AGBL5: variants seen among roughly 807,000 people sequenced by gnomAD.
AGBL5 encodes AGBL carboxypeptidase 5.
AGBL5 carries 51 observed loss-of-function variants against 88.0 expected under a neutral mutation model. The observed-to-expected ratio is 0.58, with a 90% CI of 0.46 to 0.73. The LOEUF (loss-of-function observed/expected upper bound fraction) is 0.73. Among genes scored for constraint, AGBL5 ranks in the 30% least tolerant of loss-of-function variants. The probability of loss-of-function intolerance (pLI) is 0.00; values close to 1 mark genes in which losing one functional copy is unlikely to be tolerated. For missense variants in AGBL5, 1,031 were observed against 1,162.2 expected, an observed-to-expected ratio of 0.89 and a Z score of 1.64; for synonymous variants, 446 against 438.8, an observed-to-expected ratio of 1.02 and a Z score of -0.21.
chr2:27,054,115 C>T, intron 4 of AGBL5, 56 bp downstream of exon 4: 1 of 1,531,146 alleles, frequency 6.5e-7, no homozygotes, highest in Admixed American at 2.0e-5. Context: ...AGCACCTCCA[C>T]TACTTCTGGA....
intron 11 of AGBL5, among the ~76,000 whole-genome samples, chr2:27,064,039 A>G (rs937295633): frequency 1.1e-4 from 17 of 152,298 alleles, no homozygotes; most frequent in African/African-American, 3.4e-4. Context: ...CTGTGTGTGT[A>G]GATATTTCTC....
rs1668267948 is a variant in AGBL5 at position 27,053,311 on chromosome 2, C to T, written c.216-91C>T. The T allele has an allele frequency of 3.9e-6, 6 of 1,542,614 alleles. No individual in the cohort carries two copies. The highest frequency in any genetic ancestry group is 4.4e-6 in the Non-Finnish European group (5 of 1,137,558). On this transcript the variant is annotated intron_variant, in intron 2 of 14. Transcript: ENST00000360131. This position sits in a 1 kb window ranked among gnomAD's most constrained non-coding sequence, Gnocchi z 4.9. ...CCCTCCTTTCTCCTTGCCAAATAGC[C>T]CTTTCCCAGTTTGGCTGGCTCCGGC... is the stretch of plus-strand genomic sequence containing the variant.
intron 9 of AGBL5, 109 bp from the exon 10 acceptor site, chr2:27,058,291 A>G: frequency 7.7e-7 from 1 of 1,303,284 alleles, no homozygotes; most frequent in Admixed American, 1.7e-5. Flanking sequence ...CCAATGAGCA[A>G]ATTATAGGTC....
In AGBL5 at chr2:27,070,191, G is replaced by A. The variant is rs376506451; in HGVS notation, c.2589G>A (p.Arg863=). ...SDSPSWNCYS[R]GPLGQPEVCF... is the part of the protein sequence containing the mutation. ...CCCCATCCTGGAATTGTTACAGCAG[G>A]GGTCCCTTGGGCCAACCTGAGGTTT... The change falls in exon 15 of 15, where the codon AGG becomes AGA. Residue 863 remains arginine, a synonymous_variant. Transcript: ENST00000360131. 9 of 1,614,050 alleles carry A rather than the reference G, an allele frequency of 5.6e-6. No individual in the cohort carries two copies. Among genetic ancestry groups the A allele is most frequent in the African/African-American group, 2.7e-5 (2 of 74,906 alleles).
intron 5 of AGBL5, 46 bp downstream of exon 5, chr2:27,054,853 A>C: frequency 6.3e-7 from 1 of 1,588,442 alleles, no homozygotes; most frequent in Admixed American, 1.7e-5. Flanking sequence ...TTTCTCTAGC[A>C]CCAGGTACTG....
At position 27,070,165 on chromosome 2, in the gene AGBL5, TC is replaced by T. The variant is rs1669214379; in HGVS notation, c.2567del (p.Pro856HisfsTer25). 6.2e-7 allele frequency: 1 copy of T among 1,614,206 alleles called. No homozygotes were observed. The highest frequency in any genetic ancestry group is 8.5e-7 in the Non-Finnish European group (1 of 1,180,020). On this transcript the variant is annotated frameshift_variant, in exon 15 of 15. Coordinates refer to ENST00000360131, the MANE Select transcript of AGBL5 (RefSeq NM_021831.6). LOFTEE classifies it high-confidence loss of function. ...FSPISCSLSD[S>X]PSWNCYSRGP... ...TCCTATATCCTGTAGTCTATCTGAC[TC>T]CCCATCCTGGAATTGTTACAGCAGG...
In AGBL5 at chr2:27,057,433, G is replaced by A; in HGVS notation, c.1666G>A (p.Glu556Lys). The A allele has an allele frequency of 1.2e-6, 2 of 1,610,362 alleles. No homozygotes were observed. Among genetic ancestry groups the A allele is most frequent in the East Asian group, 2.2e-5 (1 of 44,764 alleles). ...CTCCAGATACACTGTGGAACTATTT[G>A]AGCAGGTATGAATACATGGTGTAAG... is the stretch of plus-strand genomic sequence containing the variant. Reference protein sequence around the residue: ...FPSRYTVELFEQVGRAMAIAA... With the variant: ...FPSRYTVELFKQVGRAMAIAA... Residue 556 changes from glutamate (E) to lysine (K), a missense_variant, in exon 9 of 15, where the codon GAG (glutamate) becomes AAG (lysine). This residue lies in a region of AGBL5 where 491 missense variants were observed against 484.0 expected (regional missense o/e 1.01). Coordinates refer to ENST00000360131, the MANE Select transcript of AGBL5 (RefSeq NM_021831.6).
upstream of AGBL5, among the ~76,000 whole-genome samples, chr2:27,051,229 A>G (rs62130539): frequency 0.016 from 2,442 of 152,280 alleles, 29 homozygotes; most frequent in South Asian, 0.035. Context: ...ATTAGCTCAA[A>G]TGGTAGAGCG....
chr2:27,055,959 G>A lies in AGBL5; in HGVS notation c.1186G>A (p.Glu396Lys). Residue 396 changes from glutamate to lysine, a missense_variant, in exon 7 of 15, where the codon GAA becomes AAA. Glu to Lys is a moderately conservative substitution (Grantham distance 56, BLOSUM62 1). Transcript: ENST00000360131. ...AEAWKQTEPA[E>K]QKLNSVWIMP... The stretch of plus-strand genomic sequence containing the variant: ...AGCCTGGAAACAAACAGAGCCAGCA[G>A]AACAGAAGCTCAACAGTGTGTGGAT... 6.2e-7 allele frequency: 1 copy of A among 1,614,232 alleles called. No homozygotes were observed. Among genetic ancestry groups the A allele is most frequent in the South Asian group, 1.1e-5 (1 of 91,082 alleles).
chr2:27,069,534 G>A (rs2148308568), intron 13 of AGBL5, 39 bp from the exon 14 acceptor site: 4 of 1,595,426 alleles, frequency 2.5e-6, no homozygotes, highest in Middle Eastern at 1.7e-4. Flanking sequence ...AAAACTCATG[G>A]AAGAATCCAG....
chr2:27,060,772 A>G (rs536820166), intron 11 of AGBL5, among the ~76,000 whole-genome samples: 17 of 152,352 alleles, frequency 1.1e-4, no homozygotes, highest in Non-Finnish European at 1.5e-4. Flanking sequence ...TTGAGAGTCT[A>G]TCTTCATCAG....
In AGBL5 at chr2:27,070,284, C is replaced by G; in HGVS notation, c.*21C>G. The G allele has an allele frequency of 6.2e-7, 1 of 1,610,574 alleles. No individual in the cohort carries two copies. Among genetic ancestry groups the G allele is most frequent in the Non-Finnish European group, 8.5e-7 (1 of 1,176,828 alleles). On this transcript the variant is annotated 3_prime_UTR_variant, in exon 15 of 15. Transcript: ENST00000360131. ...TCTGATAATGCCTTTATGTTCAAGCCCAGGATATAGCCCCAAGATGGGGTA... is the reference window on the plus strand; with the variant it reads ...TCTGATAATGCCTTTATGTTCAAGCGCAGGATATAGCCCCAAGATGGGGTA...
chr2:27,064,684 CTTT>C (rs1558422865), intron 11 of AGBL5, among the ~76,000 whole-genome samples: 1 of 140,456 alleles, frequency 7.1e-6, no homozygotes. Flanking sequence ...TCCCTTTCTT[CTTT>C]ATTCATACAA....
In AGBL5 at chr2:27,059,273, G is replaced by A; in HGVS notation, c.1958G>A (p.Ser653Asn). 6.2e-7 allele frequency: 1 copy of A among 1,614,206 alleles called. No individual in the cohort carries two copies. The highest frequency in any genetic ancestry group is 8.5e-7 in the Non-Finnish European group (1 of 1,180,032). Reference sequence around the variant, plus strand: ...GGCACAAGTGCCGGTGGTAGCAGCAGCAGCCAACAAAATTCTCCACAGATG... The same window carrying A: ...GGCACAAGTGCCGGTGGTAGCAGCAACAGCCAACAAAATTCTCCACAGATG... ...STGTSAGGSS[S>N]SQQNSPQMKN... is the part of the protein sequence containing the mutation. The change falls in exon 11 of 15, where the codon AGC becomes AAC. Residue 653 changes from serine to asparagine, a missense_variant. Coordinates refer to ENST00000360131, the MANE Select transcript of AGBL5 (RefSeq NM_021831.6).
At position 27,053,205 on chromosome 2, in the gene AGBL5, G is replaced by T. The variant is rs750616743; in HGVS notation, c.215+32G>T. The T allele has an allele frequency of 6.4e-7, 1 of 1,551,686 alleles. No homozygotes were observed. Among genetic ancestry groups the T allele is most frequent in the African/African-American group, 1.4e-5 (1 of 73,372 alleles). ...GGAACGAAATGGAGGGTGGAAAAAG[G>T]CTCCAAACCCATGCTTCAGTTAGCC... On this transcript the variant is annotated intron_variant, in intron 2 of 14. Coordinates refer to ENST00000360131, the MANE Select transcript of AGBL5 (RefSeq NM_021831.6). The surrounding 1 kb of genome is among the most constrained non-coding windows in gnomAD (Gnocchi z 4.9).
At chr2:27,068,470 G>T (rs545574053) in intron 12 of AGBL5, among the ~76,000 whole-genome samples, 162 bp from the exon 13 acceptor site, 2 of 152,106 alleles carry the variant, frequency 1.3e-5, no homozygotes, top group Non-Finnish European at 2.9e-5. Flanking sequence ...TTAGAGGCTA[G>T]GGATGCTGCG....
chr2:27,058,243 G>A (rs1292887061), intron 9 of AGBL5, among the ~76,000 whole-genome samples, 157 bp from the exon 10 acceptor site: 4 of 152,176 alleles, frequency 2.6e-5, no homozygotes, highest in Non-Finnish European at 2.9e-5. Flanking sequence ...CTCCAAATCC[G>A]TTTGCAATAA....
At chr2:27,059,587 G>C in intron 11 of AGBL5, 183 bp downstream of exon 11, 1 of 1,404,638 alleles carries the variant, frequency 7.1e-7, no homozygotes, top group Non-Finnish European at 9.5e-7. Flanking sequence ...ATTCCAGAGC[G>C]GTATTGTGTG....
At chr2:27,051,394 G>A (rs1668135164), upstream of AGBL5, 1 of 152,256 alleles carries the variant, frequency 6.6e-6, no homozygotes, top group Non-Finnish European at 1.5e-5. Context: ...GCGATAAGGA[G>A]TTTCACACGA....
Sources: allele counts gnomAD v4.1 joint callset (sites outside exome capture counted in the v4.1 genomes callset), GRCh38; gene constraint gnomAD v4.1.1; regional missense constraint gnomAD v4.1.1; non-coding constraint Gnocchi (gnomAD v3.1); transcripts MANE v1.5; gene names NCBI Gene and HGNC (gene_info 2026-07-23, HGNC 2026-07-21).